Variants in COL24A1 observed in about 807,000 individuals in gnomAD.
The protein encoded by COL24A1 is collagen type XXIV alpha 1 chain, also known as collagen alpha-1(XXIV) chain.
In COL24A1, 224 loss-of-function variants were observed where a neutral mutation model predicts 253.9. The observed-to-expected ratio is 0.88, with a 90% CI of 0.79 to 0.99. The LOEUF (loss-of-function observed/expected upper bound fraction) is 0.99. Among genes scored for constraint, COL24A1 ranks in the 50% least tolerant of loss-of-function variants. The pLI is 0.00. For synonymous variants in COL24A1, 685 were observed against 673.7 expected, an observed-to-expected ratio of 1.02 and a Z score of -0.26; for missense variants, 2,131 against 2,068.5, an observed-to-expected ratio of 1.03 and a Z score of -0.59.
Position 85,784,337 on chromosome 1 carries a change from T to C in COL24A1, c.4089A>G (p.Gly1363=). 1 of 1,613,980 alleles carries C rather than the reference T, an allele frequency of 6.2e-7. No homozygotes were observed. Among genetic ancestry groups the C allele is most frequent in the Non-Finnish European group, 8.5e-7 (1 of 1,179,940 alleles). ...KGEQGLPGQP[G]IQGKRGHRGA... The stretch of plus-strand genomic sequence containing the variant: ...CTCGGTGACCTCTTTTACCTTGAAT[T>C]CCAGGTTGACCAGGTAGCCCTTGTT... Residue 1363 remains glycine (G), a synonymous_variant, in exon 49 of 60, where the codon GGA becomes GGG. Transcript: ENST00000370571.
At chr1:86,057,460 C>T (rs1397085185) in intron 10 of COL24A1, among the ~76,000 whole-genome samples, 1 of 152,122 alleles carries the variant, frequency 6.6e-6, no homozygotes, top group East Asian at 1.9e-4. Flanking sequence ...ATAAAAATGG[C>T]TAACATTTCC....
chr1:86,125,220 G>A lies in COL24A1; in HGVS notation c.1116C>T (p.Asn372=), dbSNP rs1206833610. The change falls in exon 3 of 60, where the codon AAC becomes AAT. Residue 372 remains asparagine (N), a synonymous_variant. Transcript: ENST00000370571. ...NTKEKFSSLL[N]MSDNITQHDD... Reference sequence around the variant, plus strand: ...CATGTTGTGTGATATTGTCAGACATGTTTAGGAGAGAGCTAAATTTCTCTT... The same window carrying A: ...CATGTTGTGTGATATTGTCAGACATATTTAGGAGAGAGCTAAATTTCTCTT... 6.2e-7 allele frequency: 1 copy of A among 1,613,570 alleles called. No individual in the cohort carries two copies.
intron 2 of COL24A1, among the ~76,000 whole-genome samples, chr1:86,135,298 T>C (rs1052733424): frequency 1.3e-5 from 2 of 152,156 alleles, no homozygotes; most frequent in South Asian, 2.1e-4. Flanking sequence ...CTTGACTCTT[T>C]ATCCAATTTG....
intron 47 of COL24A1, among the ~76,000 whole-genome samples, chr1:85,799,966 C>T (rs185356523): frequency 6.6e-6 from 1 of 152,258 alleles, no homozygotes; most frequent in East Asian, 1.9e-4. Context: ...TACTGTAATC[C>T]ATTTGTTTCT....
chr1:86,113,481 G>C (rs144919760), intron 4 of COL24A1, among the ~76,000 whole-genome samples: 2 of 152,290 alleles, frequency 1.3e-5, no homozygotes, highest in Non-Finnish European at 2.9e-5. Context: ...CAGGAAGACA[G>C]AGGTGTCAGC....
At chr1:85,967,489 G>T (rs1691682919) in intron 22 of COL24A1, among the ~76,000 whole-genome samples, 1 of 152,102 alleles carries the variant, frequency 6.6e-6, no homozygotes, top group Non-Finnish European at 1.5e-5. Flanking sequence ...TAATAAGAGA[G>T]AATGTATTAG....
chr1:86,086,773 A>G (rs1360960074), intron 7 of COL24A1, among the ~76,000 whole-genome samples: 3 of 152,226 alleles, frequency 2.0e-5, no homozygotes, highest in African/African-American at 7.2e-5. Context: ...AAAGTAAGAC[A>G]TACCATAAGG....
chr1:85,819,848 CTTT>C (rs550894402), intron 45 of COL24A1, among the ~76,000 whole-genome samples: 3 of 135,880 alleles, frequency 2.2e-5, no homozygotes, highest in Non-Finnish European at 3.2e-5. Flanking sequence ...TTCTCTTTTC[CTTT>C]TTTTTTTTTT....
intron 23 of COL24A1, among the ~76,000 whole-genome samples, chr1:85,962,907 T>G (rs1691208596): frequency 6.6e-6 from 1 of 152,156 alleles, no homozygotes; most frequent in Admixed American, 6.5e-5. Flanking sequence ...CTGGTCTGAA[T>G]TGAAATGTGA....
intron 52 of COL24A1, among the ~76,000 whole-genome samples, chr1:85,777,445 G>A (rs553576290): frequency 3.2e-4 from 49 of 151,266 alleles, no homozygotes; most frequent in Middle Eastern, 6.9e-3. Flanking sequence ...TCTATGCATC[G>A]CACTTAACAA....
At chr1:86,155,271 C>G in intron 1 of COL24A1, 1 of 152,064 alleles carries the variant, frequency 6.6e-6, no homozygotes, top group African/African-American at 2.4e-5. Flanking sequence ...GGGCTGCACG[C>G]GGCTGGGAAG....
At chr1:86,142,501 C>T (rs1476398915) in intron 2 of COL24A1, among the ~76,000 whole-genome samples, 19 of 144,518 alleles carry the variant, frequency 1.3e-4, no homozygotes, top group African/African-American at 1.8e-4. Context: ...CCAGCCTGGA[C>T]GACAGAGTGA....
chr1:85,992,752 A>AGTCCAAAC (rs890782629), intron 19 of COL24A1, among the ~76,000 whole-genome samples: 7 of 152,220 alleles, frequency 4.6e-5, no homozygotes, highest in African/African-American at 1.7e-4. Flanking sequence ...AACATTAATA[A>AGTCCAAAC]GTCCAAACAT....
intron 41 of COL24A1, among the ~76,000 whole-genome samples, chr1:85,841,617 G>T (rs1213473814): frequency 1.3e-5 from 2 of 152,048 alleles, no homozygotes; most frequent in East Asian, 3.9e-4. Context: ...AATGAGCCAG[G>T]TGCGGTGGTA....
chr1:85,782,785 T>C (rs931349481), intron 51 of COL24A1, among the ~76,000 whole-genome samples: 5 of 152,196 alleles, frequency 3.3e-5, no homozygotes, highest in African/African-American at 1.2e-4. Context: ...GTCATAGAGA[T>C]GCTACTACCA....
chr1:86,153,454 GT>G (rs1200862113), intron 1 of COL24A1, among the ~76,000 whole-genome samples: 1 of 152,180 alleles, frequency 6.6e-6, no homozygotes, highest in Non-Finnish European at 1.5e-5. Context: ...ACAGAATAAT[GT>G]TAGCCTTTTA....
chr1:86,110,350 T>C (rs1391293805), intron 5 of COL24A1, among the ~76,000 whole-genome samples: 2 of 110,894 alleles, frequency 1.8e-5, no homozygotes, highest in East Asian at 4.4e-4. Context: ...CGTTTTCCTA[T>C]GTTCTTACTA....
chr1:86,069,022 CA>C (rs1215982656), intron 7 of COL24A1, among the ~76,000 whole-genome samples: 6 of 152,120 alleles, frequency 3.9e-5, no homozygotes, highest in Admixed American at 2.0e-4. Flanking sequence ...TGCTGGCCTT[CA>C]GGGGTGGTCC....
At chr1:86,146,314 T>C (rs1445320302) in intron 1 of COL24A1, 131 bp from the exon 2 acceptor site, 3 of 714,970 alleles carry the variant, frequency 4.2e-6, no homozygotes, top group South Asian at 4.8e-5. Flanking sequence ...TTAATATTCA[T>C]AGTGGTTAAG....
Sources: gnomAD v4.1 joint callset for allele counts (sites outside exome capture counted in the v4.1 genomes callset) on GRCh38, gnomAD v4.1.1 for gene constraint, MANE v1.5 for transcripts, NCBI Gene and HGNC (gene_info 2026-07-23, HGNC 2026-07-21) for gene names.